The following ADAMTS12 variants were observed in gnomAD, a reference collection of about 807,000 sequenced individuals.
ADAMTS12 encodes ADAM metallopeptidase with thrombospondin type 1 motif 12, also known as A disintegrin and metalloproteinase with thrombospondin motifs 12.
ADAMTS12 carries 118 observed loss-of-function variants against 167.8 expected under a neutral mutation model. The ratio of observed to expected loss-of-function variants is 0.70; its 90% CI spans 0.61 to 0.82. The LOEUF is 0.82. ADAMTS12 is among the 40% of genes least tolerant of loss of function. The pLI is 0.00. For missense variants in ADAMTS12, 1,916 were observed against 1,998.8 expected (o/e 0.96, Z 0.79); for synonymous variants, 704 against 716.9 (o/e 0.98, Z 0.29).
In ADAMTS12 at chr5:33,526,983, A is replaced by G. The variant is rs1743848840; in HGVS notation, c.*205T>C. The G allele has an allele frequency of 1.2e-5, 7 of 584,390 alleles. No homozygotes were observed. Among genetic ancestry groups the G allele is most frequent in the Non-Finnish European group, 2.1e-5 (7 of 340,320 alleles). The allele number at this position is 584,390 out of a possible 1,614,324, so 36.2% of individuals were successfully genotyped here. ...ATTCTCCTAGCTATTTCACCTTCCTATCAGGGAGCAGCAAGTACGGCAGCC... is the reference window on the plus strand; with the variant it reads ...ATTCTCCTAGCTATTTCACCTTCCTGTCAGGGAGCAGCAAGTACGGCAGCC... On this transcript the variant is annotated 3_prime_UTR_variant, in exon 24 of 24. Coordinates refer to ENST00000504830, the MANE Select transcript of ADAMTS12 (RefSeq NM_030955.4).
chr5:33,804,585 G>T (rs1747150809), intron 2 of ADAMTS12, among the ~76,000 whole-genome samples: 1 of 152,180 alleles, frequency 6.6e-6, no homozygotes, highest in African/African-American at 2.4e-5. Context: ...GTGCTGAAAG[G>T]TACACAGCCC....
intron 2 of ADAMTS12, among the ~76,000 whole-genome samples, chr5:33,821,177 T>C (rs1747854430): frequency 6.6e-6 from 1 of 152,198 alleles, no homozygotes; most frequent in Admixed American, 6.5e-5. Context: ...ACACCAGTAA[T>C]GACCATTAAT....
intron 18 of ADAMTS12, among the ~76,000 whole-genome samples, chr5:33,581,513 G>A (rs767868591): frequency 3.0e-4 from 45 of 152,274 alleles, no homozygotes; most frequent in Non-Finnish European, 5.0e-4. Context: ...GGGTTTATTC[G>A]AAAACACAGT....
chr5:33,610,787 C>T (rs549878896), intron 16 of ADAMTS12, among the ~76,000 whole-genome samples: 35 of 152,282 alleles, frequency 2.3e-4, no homozygotes, highest in Admixed American at 7.8e-4. Context: ...GTATGAGAGA[C>T]TGGGCACAGT....
chr5:33,701,022 T>C (rs1742982659), intron 3 of ADAMTS12, among the ~76,000 whole-genome samples: 1 of 152,072 alleles, frequency 6.6e-6, no homozygotes, highest in East Asian at 1.9e-4. Context: ...CCTTCTTGAG[T>C]GGACTTAGCA....
In ADAMTS12 at chr5:33,635,486, C is replaced by T. The variant is rs979963017; in HGVS notation, c.1888+2091G>A. ...ATTTGGGCAAGTTACAGAGGTCCTCCGAACCTATTAGCTTATCTCTAAAAA... is the reference window on the plus strand; with the variant it reads ...ATTTGGGCAAGTTACAGAGGTCCTCTGAACCTATTAGCTTATCTCTAAAAA... On this transcript the variant is annotated intron_variant, in intron 12 of 23. Coordinates refer to ENST00000504830, the MANE Select transcript of ADAMTS12 (RefSeq NM_030955.4). Among the ~76,000 whole-genome samples, 7 of 152,072 alleles carry T rather than the reference C, an allele frequency of 4.6e-5. No homozygotes were observed. In the East Asian group the frequency reaches 5.8e-4, roughly 13 times the overall value.
At chr5:33,729,939 C>A (rs1744121158) in intron 3 of ADAMTS12, among the ~76,000 whole-genome samples, 1 of 152,186 alleles carries the variant, frequency 6.6e-6, no homozygotes, top group African/African-American at 2.4e-5. Flanking sequence ...TACTAAACCA[C>A]CCAACATTTT....
intron 2 of ADAMTS12, among the ~76,000 whole-genome samples, chr5:33,755,630 A>T (rs1179938709): frequency 6.6e-6 from 1 of 152,196 alleles, no homozygotes; most frequent in African/African-American, 2.4e-5. Flanking sequence ...AGAGACCTTG[A>T]AGAGTCACCC....
At chr5:33,537,456 T>C (rs1362164925) in intron 22 of ADAMTS12, among the ~76,000 whole-genome samples, 1 of 152,190 alleles carries the variant, frequency 6.6e-6, no homozygotes, top group Non-Finnish European at 1.5e-5. Context: ...ACCAAAATAG[T>C]TTAAAATATT....
chr5:33,560,267 T>C (rs988177042), intron 20 of ADAMTS12, among the ~76,000 whole-genome samples: 2 of 152,126 alleles, frequency 1.3e-5, no homozygotes, highest in Non-Finnish European at 2.9e-5. Flanking sequence ...TGCTCATCCC[T>C]GATTTTATAA....
At chr5:33,572,004 T>C (rs1254604540) in intron 19 of ADAMTS12, among the ~76,000 whole-genome samples, 1 of 151,986 alleles carries the variant, frequency 6.6e-6, no homozygotes, top group Non-Finnish European at 1.5e-5. Flanking sequence ...CTAGAAGAAA[T>C]GGATAAATTC....
intron 2 of ADAMTS12, among the ~76,000 whole-genome samples, chr5:33,857,927 C>T (rs1323528221): frequency 6.6e-6 from 1 of 152,200 alleles, no homozygotes; most frequent in Non-Finnish European, 1.5e-5. Flanking sequence ...GACTTCAATA[C>T]TTCTATCTCT....
chr5:33,806,560 G>C (rs1169254042), intron 2 of ADAMTS12, among the ~76,000 whole-genome samples: 1 of 152,146 alleles, frequency 6.6e-6, no homozygotes, highest in Non-Finnish European at 1.5e-5. Context: ...TCCAGTGATG[G>C]AGCTGATGCT....
chr5:33,793,085 C>T (rs1253720233), intron 2 of ADAMTS12, among the ~76,000 whole-genome samples: 1 of 152,242 alleles, frequency 6.6e-6, no homozygotes, highest in Non-Finnish European at 1.5e-5. Context: ...GGGGTTTCAT[C>T]TGCCTCAGGA....
intron 2 of ADAMTS12, among the ~76,000 whole-genome samples, chr5:33,790,306 G>A (rs1746478753): frequency 6.6e-6 from 1 of 152,076 alleles, no homozygotes; most frequent in Admixed American, 6.5e-5. Context: ...TGTAATCCCA[G>A]CACTTTGGGA....
chr5:33,752,614 C>T (rs1434910323), intron 2 of ADAMTS12, among the ~76,000 whole-genome samples: 2 of 152,204 alleles, frequency 1.3e-5, no homozygotes, highest in African/African-American at 4.8e-5. Context: ...CTTTCTGGAT[C>T]TCTGATTCTA....
At chr5:33,810,602 C>T (rs1457057231) in intron 2 of ADAMTS12, among the ~76,000 whole-genome samples, 2 of 152,114 alleles carry the variant, frequency 1.3e-5, no homozygotes, top group African/African-American at 4.8e-5. Flanking sequence ...GAAGTAATTT[C>T]TAGAAATCTA....
intron 16 of ADAMTS12, among the ~76,000 whole-genome samples, chr5:33,600,161 T>C (rs541943864): frequency 2.6e-5 from 4 of 152,334 alleles, no homozygotes; most frequent in South Asian, 2.1e-4. Flanking sequence ...CCAAAATATA[T>C]GAGAACTAAA....
chr5:33,890,068 T>C (rs376761812), intron 1 of ADAMTS12, among the ~76,000 whole-genome samples: 34 of 152,292 alleles, frequency 2.2e-4, no homozygotes, highest in Middle Eastern at 3.4e-3. Context: ...TAGCTCTAGA[T>C]AGAGGTGACT....
Sources: allele counts gnomAD v4.1 joint callset (sites outside exome capture counted in the v4.1 genomes callset), GRCh38; gene constraint gnomAD v4.1.1; transcripts MANE v1.5; gene names NCBI Gene and HGNC (gene_info 2026-07-23, HGNC 2026-07-21).